CMPK2: variants seen among roughly 807,000 people sequenced by gnomAD.
CMPK2 encodes cytidine/uridine monophosphate kinase 2, also known as UMP-CMP kinase 2, mitochondrial.
Under a neutral mutation model 33.4 loss-of-function variants are expected in CMPK2, and 32 were observed. The ratio of observed to expected loss-of-function variants is 0.96; its 90% CI spans 0.72 to 1.29. CMPK2 has a LOEUF of 1.29. CMPK2 is among the 50% of genes most tolerant of loss of function. The pLI, the probability that CMPK2 is intolerant of heterozygous loss-of-function variation, is 0.00. For missense variants in CMPK2, 672 were observed against 616.0 expected (o/e 1.09, Z -0.96); for synonymous variants, 299 against 275.3 (o/e 1.09, Z -0.85).
At chr2:6,857,226 A>T (rs146049762) in intron 3 of CMPK2, among the ~76,000 whole-genome samples, 120 of 152,238 alleles carry the variant, frequency 7.9e-4, no homozygotes, top group African/African-American at 2.6e-3. Flanking sequence ...TGTCATCGTG[A>T]TGTAAGTTCA....
At chr2:6,857,293 T>C (rs1662733557) in intron 3 of CMPK2, among the ~76,000 whole-genome samples, 2 of 151,916 alleles carry the variant, frequency 1.3e-5, no homozygotes, top group Non-Finnish European at 2.9e-5. Flanking sequence ...AAAGCTATTT[T>C]TTTCTTCTTT....
At chr2:6,859,387 C>T (rs1662806858) in intron 3 of CMPK2, among the ~76,000 whole-genome samples, 1 of 152,154 alleles carries the variant, frequency 6.6e-6, no homozygotes, top group Non-Finnish European at 1.5e-5. Flanking sequence ...GAAAATGTCT[C>T]GAGGGCATGT....
chr2:6,851,059 A>T, intron 4 of CMPK2: 1 of 1,064,142 alleles, frequency 9.4e-7, no homozygotes, highest in Non-Finnish European at 1.1e-6. Flanking sequence ...ATGACATAAC[A>T]TCAGTAAAAT....
At chr2:6,860,613 A>C (rs1403303581) in intron 3 of CMPK2, among the ~76,000 whole-genome samples, 1 of 152,240 alleles carries the variant, frequency 6.6e-6, no homozygotes, top group African/African-American at 2.4e-5. Context: ...AGGCCTCCCC[A>C]GCCCCATGGA....
At chr2:6,855,320 TCTGCCC>T (rs754999091) in intron 3 of CMPK2, among the ~76,000 whole-genome samples, 8,072 of 92,024 alleles carry the variant, frequency 0.088, 337 homozygotes, top group Admixed American at 0.21. Flanking sequence ...CGCCTCTGCC[TCTGCCC>T]CTGCCCCTGC....
intron 2 of CMPK2, among the ~76,000 whole-genome samples, chr2:6,863,254 C>T (rs891914320): frequency 3.9e-5 from 6 of 152,184 alleles, no homozygotes; most frequent in African/African-American, 1.4e-4. Flanking sequence ...TCCGCCAGAG[C>T]ACTGAGGATC....
chr2:6,865,361 C>T lies in CMPK2; in HGVS notation c.336G>A (p.Leu112=). ...CCGGGCAGTAGCAGAGCAGCCTGAGCAGCTGGCACCGCTGGAAGGGGCCGC... is the reference window on the plus strand; with the variant it reads ...CCGGGCAGTAGCAGAGCAGCCTGAGTAGCTGGCACCGCTGGAAGGGGCCGC... The part of the protein sequence containing the change: ...LRRGPFQRCQ[L]LRLLCYCPGG... Residue 112 remains leucine (L), a synonymous_variant, in exon 1 of 5, where the codon CTG becomes CTA. Transcript: ENST00000256722. 1.4e-6 allele frequency: 2 copies of T among 1,422,760 alleles called. No individual in the cohort carries two copies. Among genetic ancestry groups the T allele is most frequent in the Non-Finnish European group, 1.8e-6 (2 of 1,097,642 alleles). The allele number at this position is 1,422,760 out of a possible 1,614,324, so 88.1% of individuals were successfully genotyped here.
chr2:6,856,658 C>T (rs921898136), intron 3 of CMPK2, among the ~76,000 whole-genome samples: 1 of 152,230 alleles, frequency 6.6e-6, no homozygotes, highest in African/African-American at 2.4e-5. Flanking sequence ...TTATCAACCA[C>T]ATTTATCTCT....
Position 6,861,278 on chromosome 2 carries a change from T to C in CMPK2, c.898A>G (p.Thr300Ala). 1.9e-6 allele frequency: 3 copies of C among 1,613,978 alleles called. No homozygotes were observed. The highest frequency in any genetic ancestry group is 2.5e-6 in the Non-Finnish European group (3 of 1,179,854). ...GAGTAAAAAGCTCTTCTAATGATAGTTGGTTCATCATCAAAGATCTTCCTC... is the reference window on the plus strand; with the variant it reads ...GAGTAAAAAGCTCTTCTAATGATAGCTGGTTCATCATCAAAGATCTTCCTC... ...QWRKIFDDEP[T>A]IIRRAFYSLG... The change falls in exon 3 of 5, where the codon ACT becomes GCT. Residue 300 changes from threonine to alanine, a missense_variant. Transcript: ENST00000256722.
chr2:6,857,143 T>G (rs1214569628), intron 3 of CMPK2, among the ~76,000 whole-genome samples: 2 of 152,202 alleles, frequency 1.3e-5, no homozygotes, highest in Non-Finnish European at 2.9e-5. Context: ...TTTCACCAAC[T>G]GGAGGGGAGT....
rs903168620 is a variant in CMPK2, at chr2:6,842,895, C to T, written c.993-2217G>A. On this transcript the variant is annotated intron_variant, in intron 3 of 3. Coordinates refer to the CMPK2 transcript ENST00000458098. ...CTGGTTCCTTCTGATAAGACTAGAC[C>T]TAGGTACCTTACCGAAGTTTGACAG... 5.9e-5 allele frequency among the ~76,000 whole-genome samples: 9 copies of T among 152,112 alleles called. No individual in the cohort carries two copies. In the South Asian group the frequency reaches 1.9e-3, roughly 32 times the overall value.
chr2:6,861,433 T>C (rs753320653), intron 2 of CMPK2, 48 bp from the exon 3 acceptor site: 1 of 1,443,382 alleles, frequency 6.9e-7, no homozygotes, highest in Non-Finnish European at 9.7e-7. Context: ...AGCCCCAAAG[T>C]TAACATTGAC....
In CMPK2 at chr2:6,851,505, T is replaced by G. The variant is rs1366469846; in HGVS notation, c.1171A>C (p.Met391Leu). The G allele has an allele frequency of 6.2e-7, 1 of 1,614,118 alleles. No homozygotes were observed. The highest frequency in any genetic ancestry group is 8.5e-7 in the Non-Finnish European group (1 of 1,180,034). Reference protein sequence around the residue: ...ERLQRLQGRGMEKTREEAELE... With the variant: ...ERLQRLQGRGLEKTREEAELE... ...TCTGCTTCTTCCCTGGTCTTCTCCA[T>G]GCCCCGGCCCTGCAGCCTCTGCAAC... The change falls in exon 4 of 5, where the codon ATG becomes CTG. Residue 391 changes from methionine (M) to leucine (L), a missense_variant. Coordinates refer to ENST00000256722, the MANE Select transcript of CMPK2 (RefSeq NM_207315.4).
At chr2:6,855,007 T>C (rs551719114) in intron 3 of CMPK2, among the ~76,000 whole-genome samples, 1 of 152,040 alleles carries the variant, frequency 6.6e-6, no homozygotes, top group South Asian at 2.1e-4. Context: ...TTAGTCTTTC[T>C]CTTGGAAATA....
In CMPK2 at chr2:6,863,531, G is replaced by A. The variant is rs1429700390; in HGVS notation, c.723C>T (p.Asp241=). The A allele has an allele frequency of 6.2e-7, 1 of 1,614,030 alleles. No individual in the cohort carries two copies. The highest frequency in any genetic ancestry group is 1.7e-5 in the Admixed American group (1 of 60,000). ...PEARAVLDLV[D]QCPKQIQKGK... Reference sequence around the variant, plus strand: ...CTTTCTGGATCTGTTTTGGGCACTGGTCGACCAGGTCAAGCACTGCCCGGG... The same window carrying A: ...CTTTCTGGATCTGTTTTGGGCACTGATCGACCAGGTCAAGCACTGCCCGGG... Residue 241 remains aspartate (D), a synonymous_variant, in exon 2 of 5, where the codon GAC becomes GAT. Coordinates refer to ENST00000256722, the MANE Select transcript of CMPK2 (RefSeq NM_207315.4).
chr2:6,857,426 T>G (rs955183572), intron 3 of CMPK2, among the ~76,000 whole-genome samples: 3 of 151,552 alleles, frequency 2.0e-5, no homozygotes, highest in African/African-American at 7.3e-5. Flanking sequence ...GGGATTCTCC[T>G]TCCTGAGTCT....
At chr2:6,852,720 T>A (rs1288798125) in intron 3 of CMPK2, among the ~76,000 whole-genome samples, 1 of 152,198 alleles carries the variant, frequency 6.6e-6, no homozygotes, top group Non-Finnish European at 1.5e-5. Flanking sequence ...TGAAAGAATG[T>A]TATTTGGGTG....
chr2:6,849,286 TG>T lies in CMPK2; in HGVS notation c.*563del, dbSNP rs1662441623. ...TTTGTAAGTGTTCCTTACCCAAAAA[TG>T]GCTCTGCAGGAGTGTCCTTGGGCAG... On this transcript the variant is annotated 3_prime_UTR_variant, in exon 5 of 5. Coordinates refer to ENST00000256722, the MANE Select transcript of CMPK2 (RefSeq NM_207315.4). The T allele has an allele frequency of 1.0e-6, 1 of 985,304 alleles. No homozygotes were observed. Among genetic ancestry groups the T allele is most frequent in the Non-Finnish European group, 1.2e-6 (1 of 829,962 alleles). 61.0% of individuals were successfully genotyped at this position (985,304 alleles called of 1,614,324 possible).
intron 3 of CMPK2, among the ~76,000 whole-genome samples, chr2:6,859,973 T>C (rs1277092169): frequency 6.6e-6 from 1 of 152,196 alleles, no homozygotes; most frequent in Non-Finnish European, 1.5e-5. Flanking sequence ...GATGGAGCTG[T>C]CCAAGACCAT....
Sources: gnomAD v4.1 joint callset for allele counts (sites outside exome capture counted in the v4.1 genomes callset) on GRCh38, gnomAD v4.1.1 for gene constraint, MANE v1.5 for transcripts, NCBI Gene and HGNC (gene_info 2026-07-23, HGNC 2026-07-21) for gene names.